Variants in PEAK1 observed in about 807,000 individuals in gnomAD.
PEAK1 encodes pseudopodium enriched atypical kinase 1.
A neutral mutation model predicts 124.7 loss-of-function variants in PEAK1; 54 were observed. The observed-to-expected ratio is 0.43, with a 90% CI of 0.35 to 0.54. The LOEUF is 0.54. Ranked by LOEUF, PEAK1 falls within the 20% of genes least tolerant of loss-of-function variation. The pLI, the probability that PEAK1 is intolerant of heterozygous loss-of-function variation, is 0.01. For missense variants in PEAK1, 2,046 were observed against 2,134.5 expected, an observed-to-expected ratio of 0.96 and a Z score of 0.82; for synonymous variants, 719 against 760.0, an observed-to-expected ratio of 0.95 and a Z score of 0.89.
chr15:77,355,870 C>T, intron 2 of PEAK1: 1 of 985,292 alleles, frequency 1.0e-6, no homozygotes, highest in African/African-American at 1.7e-5. Flanking sequence ...AAAGTTACAG[C>T]CCTGGAAAAA....
chr15:77,312,389 T>C (rs1379298597), intron 2 of PEAK1, among the ~76,000 whole-genome samples: 1 of 152,214 alleles, frequency 6.6e-6, no homozygotes, highest in Admixed American at 6.5e-5. Flanking sequence ...AGAGTTTCTT[T>C]CTTTGTGCTC....
chr15:77,194,695 T>C (rs1444623444), intron 6 of PEAK1, among the ~76,000 whole-genome samples: 1 of 152,158 alleles, frequency 6.6e-6, no homozygotes, highest in East Asian at 1.9e-4. Context: ...GTATGTTTCT[T>C]GAACAGATGA....
intron 4 of PEAK1, among the ~76,000 whole-genome samples, chr15:77,284,603 T>C (rs2062828036): frequency 6.6e-6 from 1 of 152,122 alleles, no homozygotes; most frequent in Non-Finnish European, 1.5e-5. Flanking sequence ...TTTTTCAAAC[T>C]GGTTACAATG....
chr15:77,107,754 T>G (rs1053929926), downstream of PEAK1: 3 of 152,326 alleles, frequency 2.0e-5, no homozygotes, highest in Admixed American at 2.0e-4. Context: ...CCGCTCATAT[T>G]ACCTGAATAG....
chr15:77,333,066 AT>A, intron 2 of PEAK1: 1 of 962,994 alleles, frequency 1.0e-6, no homozygotes, highest in African/African-American at 1.8e-5. Flanking sequence ...TGGCATAAAT[AT>A]TCCTTCATAT....
chr15:77,375,581 G>C (rs924528165), intron 1 of PEAK1, among the ~76,000 whole-genome samples: 1 of 152,158 alleles, frequency 6.6e-6, no homozygotes, highest in Admixed American at 6.5e-5. Context: ...TAGCCAGTTG[G>C]CTTAAGAGCT....
chr15:77,310,656 T>C (rs1375750913), intron 2 of PEAK1, among the ~76,000 whole-genome samples: 1 of 152,140 alleles, frequency 6.6e-6, no homozygotes, highest in Non-Finnish European at 1.5e-5. Flanking sequence ...CAACCAATGT[T>C]GAAAATTAAA....
chr15:77,235,960 G>A (rs2060103373), intron 6 of PEAK1, among the ~76,000 whole-genome samples: 1 of 152,266 alleles, frequency 6.6e-6, no homozygotes, highest in Admixed American at 6.5e-5. Context: ...TGGGTGCACA[G>A]AAGTCAAGAA....
At chr15:77,292,122 T>C (rs915734225) in intron 2 of PEAK1, among the ~76,000 whole-genome samples, 2 of 152,194 alleles carry the variant, frequency 1.3e-5, no homozygotes, top group Non-Finnish European at 2.9e-5. Flanking sequence ...ACAATGATTC[T>C]TGTTATCTGT....
At chr15:77,273,172 A>G (rs568874374) in intron 5 of PEAK1, among the ~76,000 whole-genome samples, 1 of 152,334 alleles carries the variant, frequency 6.6e-6, no homozygotes, top group East Asian at 1.9e-4. Context: ...CTGAATGGGG[A>G]AAAGTTGAAA....
At chr15:77,365,467 G>A (rs2068156596) in intron 1 of PEAK1, among the ~76,000 whole-genome samples, 1 of 152,192 alleles carries the variant, frequency 6.6e-6, no homozygotes, top group Non-Finnish European at 1.5e-5. Flanking sequence ...GCCGGGCACG[G>A]CGGCTCACGC....
chr15:77,178,005 G>A (rs998263837), intron 7 of PEAK1: 3 of 152,020 alleles, frequency 2.0e-5, no homozygotes, highest in South Asian at 4.2e-4. Context: ...TTAACTTCCC[G>A]GGTTTTCAGT....
intron 2 of PEAK1, among the ~76,000 whole-genome samples, chr15:77,310,758 C>A (rs549559809): frequency 6.6e-5 from 10 of 152,264 alleles, no homozygotes; most frequent in African/African-American, 1.9e-4. Context: ...CTGACCTAGA[C>A]CTGGCTTGGG....
At chr15:77,254,559 A>G (rs1190024093) in intron 5 of PEAK1, among the ~76,000 whole-genome samples, 1 of 152,054 alleles carries the variant, frequency 6.6e-6, no homozygotes, top group Non-Finnish European at 1.5e-5. Flanking sequence ...CAGCCTCTTG[A>G]GTAGCTGAGA....
chr15:77,131,087 G>A (rs546180617), intron 9 of PEAK1, among the ~76,000 whole-genome samples: 9 of 152,176 alleles, frequency 5.9e-5, no homozygotes, highest in Non-Finnish European at 1.0e-4. Context: ...TTGATGTCAA[G>A]AGTTTAGCTG....
intron 6 of PEAK1, among the ~76,000 whole-genome samples, chr15:77,202,873 C>A (rs2058436280): frequency 6.6e-6 from 1 of 151,282 alleles, no homozygotes; most frequent in Non-Finnish European, 1.5e-5. Flanking sequence ...CCTGTCTCTA[C>A]CAAAAATACA....
Position 77,299,549 on chromosome 15 carries a change from G to T in PEAK1, c.-602-13045C>A, listed in dbSNP as rs551622197. On this transcript the variant is annotated intron_variant, in intron 2 of 9. Coordinates refer to ENST00000682557, the MANE Select transcript of PEAK1 (RefSeq NM_001385026.1). ...GGCATCCAATAGGGTATTATGAGAT[G>T]TATTTAATCGTCAAGTGTGTCTAGT... is the stretch of plus-strand genomic sequence containing the variant. 1.8e-4 allele frequency among the ~76,000 whole-genome samples: 27 copies of T among 152,310 alleles called. No homozygotes were observed. The South Asian group carries it at 4.8e-3, about 27-fold the overall frequency.
chr15:77,259,962 GA>G (rs1278845150), intron 5 of PEAK1, among the ~76,000 whole-genome samples: 1 of 152,170 alleles, frequency 6.6e-6, no homozygotes. Flanking sequence ...GGGTTCTCCT[GA>G]GCATTTAGCT....
intron 6 of PEAK1, among the ~76,000 whole-genome samples, chr15:77,185,081 A>C (rs992601501): frequency 2.6e-5 from 4 of 152,242 alleles, no homozygotes; most frequent in African/African-American, 9.6e-5. Context: ...ATGTGGTGTC[A>C]GGGAAGGCAG....
Sources: allele counts gnomAD v4.1 joint callset (sites outside exome capture counted in the v4.1 genomes callset), GRCh38; gene constraint gnomAD v4.1.1; transcripts MANE v1.5; gene names NCBI Gene and HGNC (gene_info 2026-07-23, HGNC 2026-07-21).